Variants in KCNMB2 observed in about 807,000 individuals in gnomAD.
KCNMB2 encodes the protein potassium calcium-activated channel subfamily M regulatory beta subunit 2, also known as calcium-activated potassium channel subunit beta-2.
KCNMB2 carries 9 observed loss-of-function variants against 24.5 expected under a neutral mutation model. That is an observed-to-expected ratio of 0.37 (90% confidence interval 0.22 to 0.64). The LOEUF (loss-of-function observed/expected upper bound fraction) is 0.64, where lower values mean the gene tolerates loss of function less well. KCNMB2 is among the 30% of genes least tolerant of loss of function. The probability of loss-of-function intolerance (pLI) is 0.63; values close to 1 mark genes in which losing one functional copy is unlikely to be tolerated. For synonymous variants in KCNMB2, 109 were observed against 104.4 expected, an observed-to-expected ratio of 1.04 and a Z score of -0.27; for missense variants, 226 against 284.3, an observed-to-expected ratio of 0.79 and a Z score of 1.47.
chr3:178,790,993 CAAG>C lies in KCNMB2; in HGVS notation c.-67-16346_-67-16344del, dbSNP rs530473562. ...CTCTTGAATACCTGGAAAGCCTTCCCAAGAAGGACAGATACAAACTACTCCAGA... is the reference window on the plus strand; with the variant it reads ...CTCTTGAATACCTGGAAAGCCTTCCCAAGGACAGATACAAACTACTCCAGA... On this transcript the variant is annotated intron_variant, in intron 1 of 4. Transcript: ENST00000452583. Among the ~76,000 whole-genome samples the C allele has an allele frequency of 2.9e-4, 44 of 152,262 alleles. 1 individual carries two copies. Among genetic ancestry groups the C allele is most frequent in the African/African-American group, 1.0e-3 (42 of 41,558 alleles).
At chr3:178,704,901 A>G (rs1367946999) in intron 1 of KCNMB2, among the ~76,000 whole-genome samples, 1 of 152,120 alleles carries the variant, frequency 6.6e-6, no homozygotes, top group Admixed American at 6.5e-5. Context: ...CCTGACTCCT[A>G]TAAGATGAAA....
chr3:178,610,092 G>A (rs1718428133), intron 1 of KCNMB2, among the ~76,000 whole-genome samples: 1 of 152,184 alleles, frequency 6.6e-6, no homozygotes, highest in South Asian at 2.1e-4. Context: ...CTGTAGGTGT[G>A]TGGATTTGTT....
In KCNMB2 at chr3:178,586,538, C is replaced by CGT. The variant is rs1313147122; in HGVS notation, c.-68+49827_-68+49828insGT. 3.0e-3 allele frequency among the ~76,000 whole-genome samples: 203 copies of CGT among 68,496 alleles called. 7 individuals carry two copies. The highest frequency in any genetic ancestry group is 0.011 in the African/African-American group (188 of 17,656). 44.9% of individuals were successfully genotyped at this position (68,496 alleles called of 152,430 possible). On this transcript the variant is annotated intron_variant, in intron 1 of 4. Coordinates refer to ENST00000452583, the MANE Select transcript of KCNMB2 (RefSeq NM_181361.3). ...ATTTTCTTTTCTTTTTTTTTTCTTTCTTTTTTTTTTTTTTTTTTTTTTTTT... is the reference window on the plus strand; with the variant it reads ...ATTTTCTTTTCTTTTTTTTTTCTTTCGTTTTTTTTTTTTTTTTTTTTTTTTTT...
chr3:178,611,737 C>T (rs774525737), intron 1 of KCNMB2, among the ~76,000 whole-genome samples: 2 of 151,924 alleles, frequency 1.3e-5, no homozygotes, highest in African/African-American at 4.8e-5. Flanking sequence ...AACAAAAACC[C>T]TTTTTATTGC....
At chr3:178,652,148 G>A (rs1343793143) in intron 1 of KCNMB2, among the ~76,000 whole-genome samples, 1 of 152,086 alleles carries the variant, frequency 6.6e-6, no homozygotes, top group Non-Finnish European at 1.5e-5. Context: ...TGCAGAATGG[G>A]AGAAAATTTT....
intron 1 of KCNMB2, among the ~76,000 whole-genome samples, chr3:178,619,682 T>G (rs1323305180): frequency 1.3e-5 from 2 of 152,160 alleles, no homozygotes; most frequent in Admixed American, 6.5e-5. Flanking sequence ...AAAATGAATT[T>G]CATTTCCATC....
At chr3:178,613,613 G>C (rs887429155) in intron 1 of KCNMB2, among the ~76,000 whole-genome samples, 30 of 152,218 alleles carry the variant, frequency 2.0e-4, no homozygotes, top group African/African-American at 7.2e-4. Flanking sequence ...CGCTACTCAA[G>C]GGTAAAGTTC....
intron 1 of KCNMB2, among the ~76,000 whole-genome samples, chr3:178,557,081 TAATC>T (rs1431827747): frequency 1.3e-5 from 2 of 152,194 alleles, no homozygotes; most frequent in Non-Finnish European, 2.9e-5. Context: ...AAGGATTAAT[TAATC>T]AATCAAGACC....
At chr3:178,823,791 C>T (rs368517637) in intron 2 of KCNMB2, among the ~76,000 whole-genome samples, 1 of 152,146 alleles carries the variant, frequency 6.6e-6, no homozygotes, top group South Asian at 2.1e-4. Context: ...TTCCCTCCCC[C>T]GCAAAGTTCC....
At chr3:178,755,252 G>C (rs1560003552) in intron 1 of KCNMB2, among the ~76,000 whole-genome samples, 2 of 152,188 alleles carry the variant, frequency 1.3e-5, no homozygotes, top group Non-Finnish European at 2.9e-5. Context: ...ATATAAAAAG[G>C]CTTCAAGATA....
intron 1 of KCNMB2, among the ~76,000 whole-genome samples, chr3:178,578,403 A>G (rs1354228541): frequency 1.3e-5 from 2 of 152,234 alleles, no homozygotes; most frequent in Non-Finnish European, 2.9e-5. Flanking sequence ...AGGAAAAACT[A>G]GTACCAGCCA....
At chr3:178,568,945 T>C (rs1716669306) in intron 1 of KCNMB2, among the ~76,000 whole-genome samples, 1 of 152,132 alleles carries the variant, frequency 6.6e-6, no homozygotes, top group Non-Finnish European at 1.5e-5. Flanking sequence ...AAGAGTTCAG[T>C]CTCTGTATTA....
chr3:178,567,140 G>C (rs899274641), intron 1 of KCNMB2, among the ~76,000 whole-genome samples: 1 of 152,110 alleles, frequency 6.6e-6, no homozygotes, highest in African/African-American at 2.4e-5. Flanking sequence ...CTTTATACTT[G>C]CCAATATCTG....
intron 1 of KCNMB2, among the ~76,000 whole-genome samples, chr3:178,599,121 A>G (rs563094415): frequency 6.6e-6 from 1 of 152,156 alleles, no homozygotes; most frequent in Non-Finnish European, 1.5e-5. Context: ...AAAACCAAGT[A>G]GAAGATTAAC....
chr3:178,601,277 T>C (rs1417816502), intron 1 of KCNMB2, among the ~76,000 whole-genome samples: 2 of 152,058 alleles, frequency 1.3e-5, no homozygotes, highest in East Asian at 3.9e-4. Flanking sequence ...CAAACCACCA[T>C]GGCACATGTA....
At chr3:178,766,088 T>C (rs1712107162) in intron 1 of KCNMB2, among the ~76,000 whole-genome samples, 1 of 152,150 alleles carries the variant, frequency 6.6e-6, no homozygotes, top group Non-Finnish European at 1.5e-5. Flanking sequence ...CAAGTCTCAT[T>C]GAACAAAAAG....
chr3:178,728,965 CTACTT>C (rs1723053969), intron 1 of KCNMB2, among the ~76,000 whole-genome samples: 1 of 152,106 alleles, frequency 6.6e-6, no homozygotes. Context: ...ATACATAGCT[CTACTT>C]AACTCTTTAG....
chr3:178,681,585 T>A (rs1308475978), intron 1 of KCNMB2, among the ~76,000 whole-genome samples: 5 of 152,302 alleles, frequency 3.3e-5, no homozygotes, highest in African/African-American at 1.2e-4. Context: ...ATGTCAAGTT[T>A]ACAGATAAGA....
intron 1 of KCNMB2, among the ~76,000 whole-genome samples, chr3:178,668,926 T>C (rs561232674): frequency 6.6e-6 from 1 of 152,324 alleles, no homozygotes; most frequent in Admixed American, 6.5e-5. Context: ...CAGTTCATCT[T>C]TCCTTCAGTA....
Sources: allele counts gnomAD v4.1 joint callset (sites outside exome capture counted in the v4.1 genomes callset), GRCh38; gene constraint gnomAD v4.1.1; transcripts MANE v1.5; gene names NCBI Gene and HGNC (gene_info 2026-07-23, HGNC 2026-07-21).